Variants in STON1 observed in about 807,000 individuals in gnomAD.
The protein encoded by STON1 is stonin-1.
In STON1, 79 loss-of-function variants were observed where a neutral mutation model predicts 60.9. The ratio of observed to expected loss-of-function variants is 1.30; its 90% CI spans 1.08 to 1.56. STON1 has a LOEUF of 1.56. Among genes scored for constraint, STON1 ranks in the 40% most tolerant of loss-of-function variants. The probability of loss-of-function intolerance (pLI) is 0.00; values close to 1 mark genes in which losing one functional copy is unlikely to be tolerated. For missense variants in STON1, 1,166 were observed against 858.9 expected, an observed-to-expected ratio of 1.36 and a Z score of -4.47; for synonymous variants, 363 against 306.9, an observed-to-expected ratio of 1.18 and a Z score of -1.91.
intron 2 of STON1, among the ~76,000 whole-genome samples, chr2:48,585,626 G>T (rs1247162825): frequency 6.6e-6 from 1 of 152,170 alleles, no homozygotes; most frequent in Non-Finnish European, 1.5e-5. Flanking sequence ...CAGTTTTAAG[G>T]TCTTCATACA....
At chr2:48,553,310 C>T (rs1232269642) in intron 1 of STON1, among the ~76,000 whole-genome samples, 1 of 152,138 alleles carries the variant, frequency 6.6e-6, no homozygotes, top group Non-Finnish European at 1.5e-5. Context: ...AGAGTTTAGA[C>T]AGAAAGGCAG....
chr2:48,532,855 C>A (rs1278018317), intron 1 of STON1, among the ~76,000 whole-genome samples: 2 of 152,102 alleles, frequency 1.3e-5, no homozygotes, highest in Non-Finnish European at 2.9e-5. Context: ...TTGGAAATAT[C>A]AATACATGAA....
chr2:48,534,655 A>G (rs762415145), intron 1 of STON1, among the ~76,000 whole-genome samples: 41 of 152,122 alleles, frequency 2.7e-4, no homozygotes, highest in Non-Finnish European at 4.7e-4. Flanking sequence ...ATGGTTGCAC[A>G]TGCCTGAGTC....
At chr2:48,541,583 C>A (rs1671654209) in intron 1 of STON1, among the ~76,000 whole-genome samples, 1 of 148,704 alleles carries the variant, frequency 6.7e-6, no homozygotes, top group Non-Finnish European at 1.5e-5. Context: ...CCTGTAGTCC[C>A]AGCTACTTGG....
intron 1 of STON1, among the ~76,000 whole-genome samples, chr2:48,559,969 C>T (rs1672543478): frequency 6.6e-6 from 1 of 152,146 alleles, no homozygotes; most frequent in African/African-American, 2.4e-5. Context: ...CTGAATGCAG[C>T]TTGTTTTGTG....
intron 3 of STON1, among the ~76,000 whole-genome samples, chr2:48,593,328 GC>G (rs1391499460): frequency 1.3e-5 from 2 of 151,298 alleles, no homozygotes; most frequent in Non-Finnish European, 3.0e-5. Flanking sequence ...TGTTGGCCAG[GC>G]TGGTCTCGAA....
Position 48,562,887 on chromosome 2 carries a change from C to T in STON1, c.-47-17700C>T, listed in dbSNP as rs1572950305. ...AAGCCCCCATTAAGGGAGCTTCCTC[C>T]TTGATAACTTGGACAACACTTGGTT... is the stretch of plus-strand genomic sequence containing the variant. On this transcript the variant is annotated intron_variant, in intron 1 of 3. Transcript: ENST00000404752. Among the ~76,000 whole-genome samples the T allele has an allele frequency of 5.3e-5, 8 of 152,338 alleles. 1 individual carries two copies. The East Asian group carries it at 1.2e-3, about 22-fold the overall frequency.
chr2:48,547,470 A>G (rs1441153396), intron 1 of STON1, among the ~76,000 whole-genome samples: 2 of 152,234 alleles, frequency 1.3e-5, no homozygotes, highest in African/African-American at 4.8e-5. Context: ...ACATAGAGCT[A>G]CGAGGCATGG....
intron 1 of STON1, among the ~76,000 whole-genome samples, chr2:48,573,340 A>G (rs1280403029): frequency 6.6e-6 from 1 of 152,208 alleles, no homozygotes; most frequent in African/African-American, 2.4e-5. Flanking sequence ...TGAAAGATAA[A>G]TAAATAAATA....
chr2:48,550,643 A>G (rs1332181856), intron 1 of STON1, among the ~76,000 whole-genome samples: 3 of 150,930 alleles, frequency 2.0e-5, no homozygotes, highest in Non-Finnish European at 4.4e-5. Context: ...GGAATATGTA[A>G]TATTATTCTC....
At position 48,581,899 on chromosome 2, in the gene STON1, C is replaced by T. The variant is rs140401118; in HGVS notation, c.1266C>T (p.Asn422=). 4.3e-6 allele frequency: 7 copies of T among 1,613,970 alleles called. No homozygotes were observed. The African/African-American group carries it at 5.3e-5, about 12-fold the overall frequency. The change falls in exon 2 of 4, where the codon AAC becomes AAT. Residue 422 remains asparagine (N), a synonymous_variant. Transcript: ENST00000404752. ...AAATTTCCTTGGAAATTGTGGACAA[C>T]TTTTGGGGTAAAGTCACAAAAGAAG... ...EQEISLEIVD[N]FWGKVTKEGK... is the part of the protein sequence containing the mutation.
chr2:48,551,894 A>G (rs1479971583), intron 1 of STON1, among the ~76,000 whole-genome samples: 1 of 152,212 alleles, frequency 6.6e-6, no homozygotes, highest in Non-Finnish European at 1.5e-5. Flanking sequence ...CCACTGTGAC[A>G]AGTGATGTTG....
chr2:48,544,783 G>C (rs1671798095), intron 1 of STON1, among the ~76,000 whole-genome samples: 1 of 152,194 alleles, frequency 6.6e-6, no homozygotes, highest in Non-Finnish European at 1.5e-5. Context: ...CTGACCTCAA[G>C]TGATCCACCT....
chr2:48,539,760 A>T (rs1301728786), intron 1 of STON1, among the ~76,000 whole-genome samples: 1 of 152,138 alleles, frequency 6.6e-6, no homozygotes, highest in East Asian at 1.9e-4. Context: ...GGCGTGAGCC[A>T]CTGTATACAT....
At chr2:48,584,525 C>T (rs1401852138) in intron 2 of STON1, among the ~76,000 whole-genome samples, 1 of 152,166 alleles carries the variant, frequency 6.6e-6, no homozygotes, top group Non-Finnish European at 1.5e-5. Flanking sequence ...GCCTTGGCCT[C>T]CCAAAGTGTT....
At chr2:48,572,079 C>G (rs998187157) in intron 1 of STON1, among the ~76,000 whole-genome samples, 1 of 152,174 alleles carries the variant, frequency 6.6e-6, no homozygotes, top group Non-Finnish European at 1.5e-5. Flanking sequence ...AGGAGAATTG[C>G]TTGAACCTGG....
intron 1 of STON1, among the ~76,000 whole-genome samples, chr2:48,560,177 T>G (rs1376352581): frequency 3.3e-5 from 5 of 152,208 alleles, no homozygotes; most frequent in African/African-American, 1.2e-4. Flanking sequence ...TATAGTTCTT[T>G]AAACTTCCAG....
intron 1 of STON1, among the ~76,000 whole-genome samples, chr2:48,534,463 T>C (rs1671345970): frequency 6.6e-6 from 1 of 152,110 alleles, no homozygotes; most frequent in Admixed American, 6.6e-5. Flanking sequence ...TCCCTGCACA[T>C]GTATTATTAT....
chr2:48,543,130 A>G (rs903266635), intron 1 of STON1, among the ~76,000 whole-genome samples: 3 of 151,946 alleles, frequency 2.0e-5, no homozygotes, highest in African/African-American at 7.3e-5. Flanking sequence ...ACCTGCTACC[A>G]TGCCCAGCTA....
Sources: allele counts gnomAD v4.1 joint callset (sites outside exome capture counted in the v4.1 genomes callset), GRCh38; gene constraint gnomAD v4.1.1; transcripts MANE v1.5; gene names NCBI Gene and HGNC (gene_info 2026-07-23, HGNC 2026-07-21).